The following RIMBP2 variants were observed in gnomAD, a reference collection of about 807,000 sequenced individuals.
RIMBP2 encodes the protein RIMS binding protein 2.
In RIMBP2, 48 loss-of-function variants were observed where a neutral mutation model predicts 118.6. The ratio of observed to expected loss-of-function variants is 0.40; its 90% confidence interval spans 0.32 to 0.51. The LOEUF (loss-of-function observed/expected upper bound fraction) is 0.51. Among genes scored for constraint, RIMBP2 ranks in the 20% least tolerant of loss-of-function variants. The probability of loss-of-function intolerance (pLI) is 0.41; values close to 1 mark genes in which losing one functional copy is unlikely to be tolerated. For missense variants in RIMBP2, 1,551 were observed against 1,768.3 expected, an observed-to-expected ratio of 0.88 and a Z score of 2.20; for synonymous variants, 762 against 742.9, an observed-to-expected ratio of 1.03 and a Z score of -0.42.
chr12:130,533,258 G>A (rs1393094643), intron 2 of RIMBP2, among the ~76,000 whole-genome samples: 1 of 152,162 alleles, frequency 6.6e-6, no homozygotes, highest in Non-Finnish European at 1.5e-5. Context: ...TTAGAAAAGT[G>A]GGGAGTGTCA....
chr12:130,657,352 G>C (rs1472197265), intron 1 of RIMBP2, among the ~76,000 whole-genome samples: 4 of 152,168 alleles, frequency 2.6e-5, no homozygotes, highest in Admixed American at 2.6e-4. Flanking sequence ...TGGGATGGGA[G>C]GGCCACAATT....
At chr12:130,570,435 G>A (rs1010097205) in intron 2 of RIMBP2, among the ~76,000 whole-genome samples, 1 of 152,056 alleles carries the variant, frequency 6.6e-6, no homozygotes, top group East Asian at 1.9e-4. Context: ...CAAAAAAAGA[G>A]ACCAAACAAA....
intron 1 of RIMBP2, among the ~76,000 whole-genome samples, chr12:130,700,330 C>A (rs574467962): frequency 6.6e-6 from 1 of 152,164 alleles, no homozygotes; most frequent in Non-Finnish European, 1.5e-5. Context: ...AGCCACACCC[C>A]GCAAGGGTCT....
intron 20 of RIMBP2, among the ~76,000 whole-genome samples, chr12:130,406,449 A>C (rs1445010929): frequency 2.0e-5 from 3 of 152,242 alleles, no homozygotes; most frequent in Non-Finnish European, 4.4e-5. Flanking sequence ...GTGCACCTAA[A>C]AGGAAAATGC....
intron 13 of RIMBP2, among the ~76,000 whole-genome samples, chr12:130,436,503 A>C (rs1310699611): frequency 6.6e-6 from 1 of 152,202 alleles, no homozygotes; most frequent in Non-Finnish European, 1.5e-5. Flanking sequence ...AGCCTGGTTC[A>C]GGAAAGTGGG....
At chr12:130,639,247 G>T (rs2062494846) in intron 1 of RIMBP2, among the ~76,000 whole-genome samples, 1 of 151,590 alleles carries the variant, frequency 6.6e-6, no homozygotes, top group Non-Finnish European at 1.5e-5. Context: ...AAATTAGCCG[G>T]GCATGGTGGC....
intron 6 of RIMBP2, among the ~76,000 whole-genome samples, chr12:130,462,636 T>C (rs1227222703): frequency 6.6e-6 from 1 of 152,230 alleles, no homozygotes; most frequent in Non-Finnish European, 1.5e-5. Flanking sequence ...TAGCTGGTCC[T>C]GTGTGTGGAC....
chr12:130,567,802 G>A lies in RIMBP2; in HGVS notation c.-216-49885C>T, dbSNP rs141154852. On this transcript the variant is annotated intron_variant, in intron 2 of 22. Coordinates refer to ENST00000690449, the MANE Select transcript of RIMBP2 (RefSeq NM_001393629.1). ...TCCAGCCTTGCAGGGGGAGCCACTC[G>A]GCATCGCCTTTCTAGGTCTCTATTA... Among the ~76,000 whole-genome samples the A allele has an allele frequency of 1.8e-4, 28 of 152,198 alleles. No individual in the cohort carries two copies. In the East Asian group the frequency reaches 2.5e-3, roughly 14 times the overall value.
chr12:130,405,523 C>T (rs898456398), intron 21 of RIMBP2, among the ~76,000 whole-genome samples: 6 of 152,180 alleles, frequency 3.9e-5, no homozygotes, highest in Admixed American at 2.6e-4. Context: ...GGGGCAGCTA[C>T]TTGTAAAGAT....
At chr12:130,699,536 C>T (rs928445993) in intron 1 of RIMBP2, among the ~76,000 whole-genome samples, 5 of 129,228 alleles carry the variant, frequency 3.9e-5, no homozygotes, top group African/African-American at 9.2e-5. Context: ...AATGAGAACA[C>T]ATGGACACAG....
intron 4 of RIMBP2, among the ~76,000 whole-genome samples, chr12:130,496,319 A>G (rs1275089147): frequency 1.3e-5 from 2 of 152,034 alleles, no homozygotes; most frequent in Non-Finnish European, 2.9e-5. Flanking sequence ...CACGTGACAC[A>G]TGACTTTCAC....
chr12:130,454,763 C>T (rs1032973418), intron 7 of RIMBP2, among the ~76,000 whole-genome samples: 4 of 152,232 alleles, frequency 2.6e-5, no homozygotes, highest in Admixed American at 6.5e-5. Flanking sequence ...TGGCCAATCC[C>T]TGTTCCCGCC....
At chr12:130,658,784 T>C (rs1335472416) in intron 1 of RIMBP2, 1 of 152,272 alleles carries the variant, frequency 6.6e-6, no homozygotes, top group African/African-American at 2.4e-5. Context: ...CCTTCGTTGC[T>C]GTGTCCTGTA....
intron 1 of RIMBP2, among the ~76,000 whole-genome samples, chr12:130,680,635 G>A (rs2136545397): frequency 6.6e-6 from 1 of 152,316 alleles, no homozygotes; most frequent in South Asian, 2.1e-4. Flanking sequence ...CATACACACA[G>A]GAAGCATTTG....
chr12:130,482,223 C>T (rs1049012831), intron 4 of RIMBP2, among the ~76,000 whole-genome samples: 4 of 152,214 alleles, frequency 2.6e-5, no homozygotes, highest in Admixed American at 6.5e-5. Context: ...TGAGGCCCTC[C>T]GTGTGGGGCT....
rs760037128 is a variant in RIMBP2, at chr12:130,412,739, C to T, written c.3469G>A (p.Ala1157Thr). ...ADGFYRGETC[A>T]RLGLIPCNMV... ...TTACAAGGAATAAGGCCAAGCCGGG[C>T]ACAGGTTTCCCCACGGTAGAATCCA... is the stretch of plus-strand genomic sequence containing the variant. The change falls in exon 19 of 23, where the codon GCC becomes ACC. Residue 1157 changes from alanine to threonine, a missense_variant. Around this residue, in one of 5 missense-constraint regions of RIMBP2, gnomAD observed 1,038 missense variants for 1,125.1 expected, o/e 0.92. Coordinates refer to ENST00000690449, the MANE Select transcript of RIMBP2 (RefSeq NM_001393629.1). 4.3e-6 allele frequency: 7 copies of T among 1,613,988 alleles called. No homozygotes were observed. In the Admixed American group the frequency reaches 1.0e-4, roughly 23 times the overall value.
intron 1 of RIMBP2, among the ~76,000 whole-genome samples, chr12:130,709,009 T>C (rs1949701488): frequency 6.6e-6 from 1 of 152,226 alleles, no homozygotes; most frequent in Non-Finnish European, 1.5e-5. Context: ...TGGGTCTACA[T>C]GAGCAACAGG....
chr12:130,515,579 T>G (rs1001757920), intron 3 of RIMBP2, among the ~76,000 whole-genome samples: 1 of 152,232 alleles, frequency 6.6e-6, no homozygotes, highest in African/African-American at 2.4e-5. Flanking sequence ...AATATTCCAT[T>G]GGACACATAT....
chr12:130,438,335 A>ACCGGCCCCCCCCC, intron 12 of RIMBP2, 30 bp downstream of exon 12: 1 of 865,014 alleles, frequency 1.2e-6, no homozygotes, highest in Non-Finnish European at 1.9e-6. Flanking sequence ...GGCCTAACAA[A>ACCGGCCCCCCCCC]CCCTCCCCAC....
Sources: allele counts gnomAD v4.1 joint callset (sites outside exome capture counted in the v4.1 genomes callset), GRCh38; gene constraint gnomAD v4.1.1; regional missense constraint gnomAD v4.1.1; transcripts MANE v1.5; gene names NCBI Gene and HGNC (gene_info 2026-07-23, HGNC 2026-07-21).